Variants in SLC15A4 observed in about 807,000 individuals in gnomAD.
SLC15A4 encodes solute carrier family 15 member 4.
In SLC15A4, 26 loss-of-function variants were observed where a neutral mutation model predicts 46.1. The ratio of observed to expected loss-of-function variants is 0.56; its 90% CI spans 0.41 to 0.78. The LOEUF is 0.78. Ranked by LOEUF, SLC15A4 falls within the 30% of genes least tolerant of loss-of-function variation. The pLI is 0.00. For synonymous variants in SLC15A4, 370 were observed against 333.4 expected (o/e 1.11, Z -1.20); for missense variants, 751 against 755.7 (o/e 0.99, Z 0.07).
chr12:128,818,403 CT>C (rs1955788285), intron 1 of SLC15A4, among the ~76,000 whole-genome samples: 1 of 152,156 alleles, frequency 6.6e-6, no homozygotes, highest in Non-Finnish European at 1.5e-5. Context: ...TAAAAAGCAC[CT>C]TAAAAATACA....
intron 5 of SLC15A4, among the ~76,000 whole-genome samples, chr12:128,804,092 T>C (rs1955550806): frequency 6.6e-6 from 1 of 152,282 alleles, no homozygotes; most frequent in Admixed American, 6.5e-5. Flanking sequence ...AATACATGAA[T>C]CATGCTATTC....
rs1955487132 is a variant in SLC15A4 at position 128,799,344 on chromosome 12, AGAG to A, written c.1485_1487del (p.Ser496del). Reference sequence around the variant, plus strand: ...CAGAACCCACGAACGACCCGACGCCAGAGAAGAAAAAGAACAAGCCCATTATGG... The same window carrying A: ...CAGAACCCACGAACGACCCGACGCCAAAGAAAAAGAACAAGCCCATTATGG... On this transcript the variant is annotated inframe_deletion, in exon 7 of 8. Transcript: ENST00000266771. The A allele has an allele frequency of 2.5e-6, 4 of 1,614,198 alleles. No individual in the cohort carries two copies. Among genetic ancestry groups the A allele is most frequent in the Non-Finnish European group, 3.4e-6 (4 of 1,180,038 alleles).
chr12:128,805,961 C>A (rs1566049375), intron 5 of SLC15A4, among the ~76,000 whole-genome samples: 1 of 151,884 alleles, frequency 6.6e-6, no homozygotes, highest in Non-Finnish European at 1.5e-5. Context: ...GTGGGCAGAT[C>A]ACGAGGTCAG....
In SLC15A4 at chr12:128,814,811, C is replaced by T. The variant is rs767108406; in HGVS notation, c.806G>A (p.Cys269Tyr). 1.2e-6 allele frequency: 2 copies of T among 1,614,212 alleles called. No individual in the cohort carries two copies. Among genetic ancestry groups the T allele is most frequent in the Non-Finnish European group, 1.7e-6 (2 of 1,180,032 alleles). The part of the protein sequence containing the change: ...DMFKILTYSC[C>Y]SQKRSGERQS... ...GCGCTCTCCACTTCGCTTCTGGGAA[C>T]AGCAGGAATACGTCAGTATCTTGAA... is the stretch of plus-strand genomic sequence containing the variant. The change falls in exon 2 of 8, where the codon TGT becomes TAT. Residue 269 changes from cysteine to tyrosine, a missense_variant. Cys to Tyr is a radical substitution (Grantham distance 194). Coordinates refer to ENST00000266771, the MANE Select transcript of SLC15A4 (RefSeq NM_145648.4).
At chr12:128,809,762 T>C (rs1012919460) in intron 3 of SLC15A4, 181 bp downstream of exon 3, 2 of 598,246 alleles carry the variant, frequency 3.3e-6, no homozygotes, top group Middle Eastern at 8.0e-4. Flanking sequence ...TCAGAGAGGC[T>C]TTAGACATAG....
intron 5 of SLC15A4, among the ~76,000 whole-genome samples, chr12:128,803,885 AC>A (rs2135709345): frequency 1.3e-5 from 2 of 152,308 alleles, no homozygotes; most frequent in East Asian, 3.9e-4. Flanking sequence ...CTCCCTTCTG[AC>A]AGACTTATGT....
At chr12:128,795,385 A>G (rs771532100) in intron 7 of SLC15A4, among the ~76,000 whole-genome samples, 4 of 152,124 alleles carry the variant, frequency 2.6e-5, no homozygotes, top group African/African-American at 4.8e-5. Flanking sequence ...GGCACTTTAC[A>G]CGCAACGTCT....
rs78291191 is a variant in SLC15A4 at position 128,811,395 on chromosome 12, G to A, written c.843-1284C>T. Reference sequence around the variant, plus strand: ...ATTCAGAGTGGGGAAAAATAGAAGCGCTGAAAACTATAACTGAATATTTTA... The same window carrying A: ...ATTCAGAGTGGGGAAAAATAGAAGCACTGAAAACTATAACTGAATATTTTA... On this transcript the variant is annotated intron_variant, in intron 2 of 7. Coordinates refer to ENST00000266771, the MANE Select transcript of SLC15A4 (RefSeq NM_145648.4). 1.8e-4 allele frequency among the ~76,000 whole-genome samples: 28 copies of A among 152,294 alleles called. No homozygotes were observed. In the East Asian group the frequency reaches 4.4e-3, roughly 24 times the overall value.
At chr12:128,808,991 C>G in intron 4 of SLC15A4, 35 bp from the exon 5 acceptor site, 1 of 1,591,178 alleles carries the variant, frequency 6.3e-7, no homozygotes, top group Non-Finnish European at 8.6e-7. Context: ...GTTTACTCCC[C>G]GCAATACAGG....
chr12:128,804,610 A>C (rs554239082), intron 5 of SLC15A4, among the ~76,000 whole-genome samples: 1 of 152,200 alleles, frequency 6.6e-6, no homozygotes, highest in African/African-American at 2.4e-5. Context: ...GGCGCCTGTA[A>C]TCCCAGCTAC....
In SLC15A4 at chr12:128,794,296, G is replaced by T; in HGVS notation, c.1634C>A (p.Ala545Asp). 1.2e-6 allele frequency: 2 copies of T among 1,613,794 alleles called. No individual in the cohort carries two copies. Among genetic ancestry groups the T allele is most frequent in the South Asian group, 2.2e-5 (2 of 91,060 alleles). The change falls in exon 8 of 8, where the codon GCT becomes GAT. Residue 545 changes from alanine to aspartate, a missense_variant. Transcript: ENST00000266771. ...YFFLLAAIQG[A>D]TLLLFLIISV... ...AATAATGAGGAAAAGCAGGAGGGTA[G>T]CTCCTTGAATAGCAGCCAGAAGAAA...
intron 7 of SLC15A4, among the ~76,000 whole-genome samples, chr12:128,795,732 AG>A (rs1426899465): frequency 6.6e-6 from 1 of 152,222 alleles, no homozygotes; most frequent in Non-Finnish European, 1.5e-5. Context: ...ACGTGTGAGC[AG>A]AAAACGGCAG....
At chr12:128,814,275 G>T in intron 2 of SLC15A4, 1 of 167,920 alleles carries the variant, frequency 6.0e-6, no homozygotes, top group Non-Finnish European at 1.3e-5. Context: ...CCTGACCGCC[G>T]TATGATGGAC....
At chr12:128,806,708 G>A (rs1343838334) in intron 5 of SLC15A4, among the ~76,000 whole-genome samples, 1 of 152,066 alleles carries the variant, frequency 6.6e-6, no homozygotes, top group African/African-American at 2.4e-5. Context: ...CCTGTTTCAG[G>A]ACGCACACAT....
chr12:128,807,469 T>C lies in SLC15A4; in HGVS notation c.1258+1319A>G, dbSNP rs551639061. ...CACAGGGAGGGAACGAGGACTCCCT[T>C]CCTTGGCATCAACCAGTGTGGTGAC... On this transcript the variant is annotated intron_variant, in intron 5 of 7. Coordinates refer to ENST00000266771, the MANE Select transcript of SLC15A4 (RefSeq NM_145648.4). Among the ~76,000 whole-genome samples, 8 of 152,298 alleles carry C rather than the reference T, an allele frequency of 5.3e-5. No individual in the cohort carries two copies. In the East Asian group the frequency reaches 1.5e-3, roughly 29 times the overall value.
rs967366889 is a variant in SLC15A4 at position 128,793,306 on chromosome 12, T to C, written c.*890A>G. 1 of 152,172 alleles carries C rather than the reference T, an allele frequency of 6.6e-6. No homozygotes were observed. Among genetic ancestry groups the C allele is most frequent in the Non-Finnish European group, 1.5e-5 (1 of 68,010 alleles). 9.4% of individuals were successfully genotyped at this position (152,172 alleles called of 1,614,324 possible). A position where few individuals can be genotyped will look rare whatever the true frequency, so the allele number is the denominator to read the frequency against. The stretch of plus-strand genomic sequence containing the variant: ...GCCCCAGATACACGTACAGTAACAA[T>C]ACAAAAATGTGACTGGTCAAACAGC... On this transcript the variant is annotated 3_prime_UTR_variant, in exon 8 of 8. Transcript: ENST00000266771.
Position 128,823,704 on chromosome 12 carries a change from G to C in SLC15A4, c.240C>G (p.Leu80=), listed in dbSNP as rs1310891808. ...EGAQASEALL[L]FMGLTYLGSP... The stretch of plus-strand genomic sequence containing the variant: ...AGCCCAGGTAGGTGAGGCCCATGAA[G>C]AGCAGCAGCGCCTCGCTGGCCTGCG... Residue 80 remains leucine, a synonymous_variant, in exon 1 of 8, where the codon CTC becomes CTG. Coordinates refer to ENST00000266771, the MANE Select transcript of SLC15A4 (RefSeq NM_145648.4). 4 of 1,528,910 alleles carry C rather than the reference G, an allele frequency of 2.6e-6. No individual in the cohort carries two copies. The Admixed American group carries it at 5.9e-5, about 23-fold the overall frequency. 94.7% of individuals were successfully genotyped at this position (1,528,910 alleles called of 1,614,324 possible).
At chr12:128,808,050 T>G (rs1955610771) in intron 5 of SLC15A4, among the ~76,000 whole-genome samples, 1 of 152,252 alleles carries the variant, frequency 6.6e-6, no homozygotes, top group African/African-American at 2.4e-5. Context: ...TCAACTTTTA[T>G]TATTATGTAA....
At chr12:128,810,987 C>G (rs988375749) in intron 2 of SLC15A4, among the ~76,000 whole-genome samples, 11 of 152,176 alleles carry the variant, frequency 7.2e-5, no homozygotes, top group African/African-American at 2.4e-4. Context: ...CTCACATCTG[C>G]CGGTCACAGC....
Sources: gnomAD v4.1 joint callset for allele counts (sites outside exome capture counted in the v4.1 genomes callset) on GRCh38, gnomAD v4.1.1 for gene constraint, MANE v1.5 for transcripts, NCBI Gene and HGNC (gene_info 2026-07-23, HGNC 2026-07-21) for gene names.